Variants in PHLPP1 observed in about 807,000 individuals in gnomAD.
PHLPP1 encodes the protein PH domain leucine-rich repeat-containing protein phosphatase 1.
PHLPP1 carries 42 observed loss-of-function variants against 117.2 expected under a neutral mutation model. The observed-to-expected ratio is 0.36, with a 90% CI of 0.28 to 0.46. PHLPP1 has a LOEUF of 0.46. Ranked by LOEUF, PHLPP1 falls within the 20% of genes least tolerant of loss-of-function variation. PHLPP1 has a pLI of 1.00. For missense variants in PHLPP1, 2,084 were observed against 2,241.9 expected (o/e 0.93, Z 1.42); for synonymous variants, 1,042 against 970.7 (o/e 1.07, Z -1.37).
intron 4 of PHLPP1, among the ~76,000 whole-genome samples, chr18:62,865,047 G>A (rs1287554771): frequency 6.6e-6 from 1 of 152,164 alleles, no homozygotes; most frequent in Non-Finnish European, 1.5e-5. Flanking sequence ...GGACTGGCTG[G>A]ATGCAATGGC....
At position 62,958,779 on chromosome 18, in the gene PHLPP1, C is replaced by A; in HGVS notation, c.3455+20C>A. 6.2e-7 allele frequency: 1 copy of A among 1,613,316 alleles called. No individual in the cohort carries two copies. The highest frequency in any genetic ancestry group is 8.5e-7 in the Non-Finnish European group (1 of 1,179,504). On this transcript the variant is annotated intron_variant, in intron 13 of 16. Coordinates refer to ENST00000262719, the MANE Select transcript of PHLPP1 (RefSeq NM_194449.4). ...ACTGAAGTAAGTATTCTGTAAAGCA[C>A]TGTATCCCCATCATTGTCCACTGGC...
At chr18:62,965,743 G>A (rs940809736) in intron 14 of PHLPP1, among the ~76,000 whole-genome samples, 3 of 150,282 alleles carry the variant, frequency 2.0e-5, no homozygotes, top group South Asian at 2.1e-4. Context: ...ACAGATGTGA[G>A]CCACTACTCC....
chr18:62,956,961 G>A (rs1335482068), intron 12 of PHLPP1, among the ~76,000 whole-genome samples: 7 of 152,042 alleles, frequency 4.6e-5, no homozygotes, highest in Admixed American at 6.6e-5. Flanking sequence ...ATAAAAGGAA[G>A]ATTTTGTCCA....
At position 62,958,651 on chromosome 18, in the gene PHLPP1, A is replaced by C. The variant is rs1910687580; in HGVS notation, c.3347A>C (p.Glu1116Ala). ...CAGTGTGTGGACCTGAGCTGTAATG[A>C]GCTAAGTGAAGTCACATTACCAGAA... Reference protein sequence around the residue: ...EIKCVDLSCNELSEVTLPENL... With the variant: ...EIKCVDLSCNALSEVTLPENL... Residue 1116 changes from glutamate (E) to alanine (A), a missense_variant, in exon 13 of 17, where the codon GAG becomes GCG. Physicochemically the swap from Glu to Ala is moderately radical, Grantham distance 107. This residue lies in a region of PHLPP1 where 1,365 missense variants were observed against 1,605.9 expected (regional missense o/e 0.85). Coordinates refer to ENST00000262719, the MANE Select transcript of PHLPP1 (RefSeq NM_194449.4). 1 of 1,613,776 alleles carries C rather than the reference A, an allele frequency of 6.2e-7. No individual in the cohort carries two copies. Among genetic ancestry groups the C allele is most frequent in the African/African-American group, 1.3e-5 (1 of 74,900 alleles).
intron 1 of PHLPP1, among the ~76,000 whole-genome samples, chr18:62,815,610 A>G (rs1024748607): frequency 1.3e-5 from 2 of 152,170 alleles, no homozygotes; most frequent in Admixed American, 1.3e-4. Flanking sequence ...TGGCTTCCCC[A>G]GAGGGAGTGA....
chr18:62,752,013 C>T (rs1277362869), intron 1 of PHLPP1, among the ~76,000 whole-genome samples: 2 of 152,112 alleles, frequency 1.3e-5, no homozygotes, highest in East Asian at 3.9e-4. Context: ...TAATGTGCTC[C>T]AAAGGAATTT....
At chr18:62,850,112 G>A (rs1029732729) in intron 3 of PHLPP1, among the ~76,000 whole-genome samples, 5 of 149,182 alleles carry the variant, frequency 3.4e-5, no homozygotes, top group Admixed American at 6.7e-5. Flanking sequence ...AAAACAGGCC[G>A]GGTGTGGTGG....
chr18:62,959,444 A>G (rs1190857790), intron 13 of PHLPP1, among the ~76,000 whole-genome samples: 3 of 152,176 alleles, frequency 2.0e-5, no homozygotes, highest in Non-Finnish European at 2.9e-5. Flanking sequence ...GTACATGTGT[A>G]TGCATACACA....
intron 13 of PHLPP1, among the ~76,000 whole-genome samples, chr18:62,961,861 ACTTTT>A (rs1334664797): frequency 6.6e-6 from 1 of 152,166 alleles, no homozygotes; most frequent in Non-Finnish European, 1.5e-5. Flanking sequence ...GAGAGTAGAA[ACTTTT>A]CTTTAACCAT....
chr18:62,867,123 TTACAA>T (rs1915789640), intron 4 of PHLPP1, among the ~76,000 whole-genome samples: 1 of 152,214 alleles, frequency 6.6e-6, no homozygotes, highest in African/African-American at 2.4e-5. Context: ...GCAGTGAAGT[TTACAA>T]TAAGAAGTAG....
At chr18:62,856,090 C>T (rs375182209) in intron 3 of PHLPP1, among the ~76,000 whole-genome samples, 7 of 152,112 alleles carry the variant, frequency 4.6e-5, no homozygotes, top group South Asian at 2.1e-4. Context: ...TTCAACTAAC[C>T]GGGGATCAAA....
chr18:62,898,066 G>A (rs1916614947), intron 6 of PHLPP1, among the ~76,000 whole-genome samples: 1 of 85,334 alleles, frequency 1.2e-5, no homozygotes, highest in South Asian at 4.1e-4. Context: ...TTCTTGGTCA[G>A]TTCTCTTTCT....
chr18:62,904,014 C>T (rs1480868504), intron 7 of PHLPP1, among the ~76,000 whole-genome samples: 1 of 152,130 alleles, frequency 6.6e-6, no homozygotes, highest in Non-Finnish European at 1.5e-5. Flanking sequence ...GCAAGTTGAA[C>T]ATATGTTTAT....
intron 4 of PHLPP1, among the ~76,000 whole-genome samples, chr18:62,894,096 A>G (rs1916492580): frequency 6.6e-6 from 1 of 152,196 alleles, no homozygotes; most frequent in Non-Finnish European, 1.5e-5. Context: ...GAAAAGATGA[A>G]GAAAAGGAAG....
In PHLPP1 at chr18:62,977,289, ACTTTGT is replaced by A. The variant is rs1239722542; in HGVS notation, c.3985-971_3985-966del. ...GAAATGGATATTCTGTGGAAGAAAC[ACTTTGT>A]CATCCCAGACAGGGATTTGTCATAA... On this transcript the variant is annotated intron_variant, in intron 16 of 16. Transcript: ENST00000262719. Among the ~76,000 whole-genome samples, 3 of 152,120 alleles carry A rather than the reference ACTTTGT, an allele frequency of 2.0e-5. No individual in the cohort carries two copies. The South Asian group carries it at 6.2e-4, about 32-fold the overall frequency.
intron 1 of PHLPP1, among the ~76,000 whole-genome samples, chr18:62,766,072 AAAAAATATATATAT>A (rs1176295569): frequency 4.9e-5 from 1 of 20,210 alleles, no homozygotes; most frequent in African/African-American, 1.3e-4. Flanking sequence ...AAAAAAAAAA[AAAAAATATATATAT>A]ATATATATAT....
At chr18:62,962,788 A>G (rs1910805850) in intron 13 of PHLPP1, among the ~76,000 whole-genome samples, 1 of 149,802 alleles carries the variant, frequency 6.7e-6, no homozygotes, top group African/African-American at 2.5e-5. Context: ...AATTTTACAT[A>G]TATGTTTTAT....
intron 1 of PHLPP1, among the ~76,000 whole-genome samples, chr18:62,741,678 T>C (rs970691255): frequency 2.0e-5 from 3 of 151,234 alleles, no homozygotes; most frequent in Admixed American, 6.6e-5. Flanking sequence ...ATTGTTTAAT[T>C]GTAATTGTTA....
intron 3 of PHLPP1, among the ~76,000 whole-genome samples, chr18:62,851,426 C>T (rs191772252): frequency 1.5e-4 from 23 of 152,318 alleles, no homozygotes; most frequent in Non-Finnish European, 2.2e-4. Context: ...ACCTCTCCCA[C>T]ATGCTCTTGC....
Sources: allele counts gnomAD v4.1 joint callset (sites outside exome capture counted in the v4.1 genomes callset), GRCh38; gene constraint gnomAD v4.1.1; regional missense constraint gnomAD v4.1.1; transcripts MANE v1.5; gene names NCBI Gene and HGNC (gene_info 2026-07-23, HGNC 2026-07-21).